The following BAIAP2L1 variants were observed in gnomAD, a reference collection of about 807,000 sequenced individuals.
BAIAP2L1 encodes the protein BAR/IMD domain-containing adapter protein 2-like 1.
BAIAP2L1 carries 35 observed loss-of-function variants against 66.3 expected under a neutral mutation model. The ratio of observed to expected loss-of-function variants is 0.53; its 90% CI spans 0.40 to 0.70. The LOEUF is 0.70. Ranked by LOEUF, BAIAP2L1 falls within the 30% of genes least tolerant of loss-of-function variation. The pLI is 0.00. For synonymous variants in BAIAP2L1, 269 were observed against 248.7 expected, an observed-to-expected ratio of 1.08 and a Z score of -0.77; for missense variants, 622 against 656.9, an observed-to-expected ratio of 0.95 and a Z score of 0.58.
intron 3 of BAIAP2L1, among the ~76,000 whole-genome samples, chr7:98,353,369 ATATATT>A (rs901591733): frequency 2.9e-5 from 4 of 138,582 alleles, no homozygotes; most frequent in Non-Finnish European, 6.1e-5. Flanking sequence ...ATATATACAC[ATATATT>A]TATATTATGT....
intron 2 of BAIAP2L1, among the ~76,000 whole-genome samples, chr7:98,357,950 A>G (rs1259986430): frequency 6.6e-6 from 1 of 152,190 alleles, no homozygotes; most frequent in African/African-American, 2.4e-5. Flanking sequence ...TAGAACTAAG[A>G]AAGAAGTGAC....
chr7:98,366,696 C>T (rs931471240), intron 1 of BAIAP2L1, among the ~76,000 whole-genome samples: 13 of 152,274 alleles, frequency 8.5e-5, no homozygotes, highest in African/African-American at 1.9e-4. Flanking sequence ...CCTGGAAGCC[C>T]GCTCACCTGG....
At chr7:98,378,185 A>T (rs948830399) in intron 1 of BAIAP2L1, among the ~76,000 whole-genome samples, 6 of 149,122 alleles carry the variant, frequency 4.0e-5, no homozygotes, top group African/African-American at 1.5e-4. Flanking sequence ...CGAACAAAAA[A>T]AAAAGTACCA....
At chr7:98,382,508 A>G (rs925639596) in intron 1 of BAIAP2L1, among the ~76,000 whole-genome samples, 11 of 152,208 alleles carry the variant, frequency 7.2e-5, no homozygotes, top group Non-Finnish European at 1.6e-4. Flanking sequence ...AAAAAAGACT[A>G]GAAAATTTCA....
At chr7:98,394,841 G>A (rs1803161734) in intron 1 of BAIAP2L1, among the ~76,000 whole-genome samples, 1 of 152,242 alleles carries the variant, frequency 6.6e-6, no homozygotes, top group Admixed American at 6.5e-5. Context: ...GCTGGGCACA[G>A]TGGCTCACGC....
chr7:98,350,709 C>T (rs139565315), intron 3 of BAIAP2L1, among the ~76,000 whole-genome samples: 2 of 152,226 alleles, frequency 1.3e-5, no homozygotes, highest in African/African-American at 4.8e-5. Context: ...AAACCTACAG[C>T]TACCCTAAGG....
chr7:98,376,515 A>C (rs1802634395), intron 1 of BAIAP2L1, among the ~76,000 whole-genome samples: 1 of 151,718 alleles, frequency 6.6e-6, no homozygotes, highest in Non-Finnish European at 1.5e-5. Flanking sequence ...CTTGTCTCAA[A>C]AAACAAAACA....
At chr7:98,357,565 CAAAA>C (rs10648487) in intron 2 of BAIAP2L1, among the ~76,000 whole-genome samples, 4 of 104,318 alleles carry the variant, frequency 3.8e-5, no homozygotes, top group Non-Finnish European at 4.0e-5. Context: ...GACTCAGTCT[CAAAA>C]AAAAAAAAAA....
At chr7:98,382,337 T>C (rs1802779208) in intron 1 of BAIAP2L1, among the ~76,000 whole-genome samples, 1 of 152,144 alleles carries the variant, frequency 6.6e-6, no homozygotes, top group East Asian at 1.9e-4. Context: ...TAATGGTCTT[T>C]AACCTAGTTC....
At chr7:98,388,975 A>G (rs1319497147) in intron 1 of BAIAP2L1, among the ~76,000 whole-genome samples, 1 of 123,950 alleles carries the variant, frequency 8.1e-6, no homozygotes, top group African/African-American at 2.6e-5. Flanking sequence ...AAGAAATTAA[A>G]AAAAAAAAAC....
At chr7:98,389,918 A>ATTTTTTTTTTTTTTTTTTTTT (rs750099451) in intron 1 of BAIAP2L1, among the ~76,000 whole-genome samples, 1 of 129,798 alleles carries the variant, frequency 7.7e-6, no homozygotes, top group African/African-American at 2.7e-5. Flanking sequence ...GGGTTAGTAA[A>ATTTTTTTTTTTTTTTTTTTTT]TTTTTTTTTT....
intron 1 of BAIAP2L1, chr7:98,386,599 A>G (rs1182071325): frequency 1.3e-6 from 2 of 1,592,248 alleles, no homozygotes; most frequent in Non-Finnish European, 1.7e-6. Context: ...CTGGTCAGAG[A>G]GCCAAAAGCA....
At chr7:98,347,231 ACT>A (rs1034447883) in intron 3 of BAIAP2L1, among the ~76,000 whole-genome samples, 14 of 152,062 alleles carry the variant, frequency 9.2e-5, no homozygotes, top group African/African-American at 3.1e-4. Flanking sequence ...ACAAATAAAA[ACT>A]CTAATTCCCA....
intron 12 of BAIAP2L1, among the ~76,000 whole-genome samples, chr7:98,294,852 G>A (rs559067884): frequency 9.8e-5 from 15 of 152,326 alleles, no homozygotes; most frequent in Non-Finnish European, 1.9e-4. Flanking sequence ...TACAGGGCTC[G>A]GGTGGGGAGC....
Position 98,376,888 on chromosome 7 carries a change from G to A in BAIAP2L1, c.52-14456C>T, listed in dbSNP as rs374369817. On this transcript the variant is annotated intron_variant, in intron 1 of 13. Coordinates refer to ENST00000005260, the MANE Select transcript of BAIAP2L1 (RefSeq NM_018842.5). ...CACGGTGTTGTCTAAACACAGCGTT[G>A]CTATGAAGGTATTTTGTAGATATGG... Among the ~76,000 whole-genome samples the A allele has an allele frequency of 1.3e-3, 200 of 152,094 alleles. 1 individual carries two copies. Among genetic ancestry groups the A allele is most frequent in the African/African-American group, 4.4e-3 (182 of 41,404 alleles).
chr7:98,351,325 T>C (rs1248334514), intron 3 of BAIAP2L1, among the ~76,000 whole-genome samples: 1 of 152,196 alleles, frequency 6.6e-6, no homozygotes, highest in Non-Finnish European at 1.5e-5. Flanking sequence ...TGAAAGTTGT[T>C]GAAAACAGAC....
In BAIAP2L1 at chr7:98,310,425, A is replaced by C; in HGVS notation, c.955+20T>G. On this transcript the variant is annotated intron_variant, in intron 9 of 13. Transcript: ENST00000005260. ...CAAATGTAAAAGGTATCTTCAAATA[A>C]ATCAGACTGAATCTCTTACCTGTTG... 1 of 1,571,210 alleles carries C rather than the reference A, an allele frequency of 6.4e-7. No individual in the cohort carries two copies. The highest frequency in any genetic ancestry group is 8.6e-7 in the Non-Finnish European group (1 of 1,165,308).
intron 3 of BAIAP2L1, among the ~76,000 whole-genome samples, chr7:98,343,327 A>G (rs10953258): frequency 0.67 from 100,414 of 150,910 alleles, 34,216 homozygotes; most frequent in Non-Finnish European, 0.74. Context: ...GGCAGGCGCC[A>G]GTAGTCCCAG....
intron 1 of BAIAP2L1, among the ~76,000 whole-genome samples, chr7:98,382,181 C>T (rs927982168): frequency 6.6e-6 from 1 of 152,084 alleles, no homozygotes; most frequent in Non-Finnish European, 1.5e-5. Context: ...CTCAGCCTCC[C>T]AAAGTGCTGG....
Sources: allele counts gnomAD v4.1 joint callset (sites outside exome capture counted in the v4.1 genomes callset), GRCh38; gene constraint gnomAD v4.1.1; transcripts MANE v1.5; gene names NCBI Gene and HGNC (gene_info 2026-07-23, HGNC 2026-07-21).